Variants in CDH12 observed in about 807,000 individuals in gnomAD.
The protein encoded by CDH12 is cadherin 12, also known as cadherin-12.
A neutral mutation model predicts 74.1 loss-of-function variants in CDH12; 41 were observed. The observed-to-expected ratio is 0.55, with a 90% CI of 0.43 to 0.72. The LOEUF is 0.72. Ranked by LOEUF, CDH12 falls within the 30% of genes least tolerant of loss-of-function variation. The pLI, the probability that CDH12 is intolerant of heterozygous loss-of-function variation, is 0.00. For missense variants in CDH12, 945 were observed against 977.2 expected (o/e 0.97, Z 0.44); for synonymous variants, 399 against 355.0 (o/e 1.12, Z -1.39).
intron 5 of CDH12, among the ~76,000 whole-genome samples, chr5:22,054,972 T>C (rs1442752865): frequency 6.6e-6 from 1 of 152,192 alleles, no homozygotes; most frequent in Non-Finnish European, 1.5e-5. Context: ...CCAGGCTGTA[T>C]AATTTGTCAT....
chr5:22,525,157 G>A (rs1737213575), intron 1 of CDH12, among the ~76,000 whole-genome samples: 2 of 152,066 alleles, frequency 1.3e-5, no homozygotes, highest in Non-Finnish European at 1.5e-5. Context: ...TTTTATGGCT[G>A]CATAGTATTC....
chr5:22,493,083 G>T (rs966886219), intron 2 of CDH12, among the ~76,000 whole-genome samples: 1 of 152,042 alleles, frequency 6.6e-6, no homozygotes, highest in Non-Finnish European at 1.5e-5. Flanking sequence ...CCCTCTACTC[G>T]TTTTTACTTC....
At chr5:21,906,148 CT>C (rs1753631433) in intron 6 of CDH12, among the ~76,000 whole-genome samples, 1 of 151,968 alleles carries the variant, frequency 6.6e-6, no homozygotes, top group Non-Finnish European at 1.5e-5. Context: ...TTTTAGGTAG[CT>C]TTAGGTTTGA....
intron 5 of CDH12, among the ~76,000 whole-genome samples, chr5:22,062,676 T>C (rs953316695): frequency 6.6e-6 from 1 of 152,152 alleles, no homozygotes; most frequent in Non-Finnish European, 1.5e-5. Context: ...TTCTCAGATA[T>C]GTAAGTGATG....
rs577127906 is a variant in CDH12, at chr5:21,892,325, G to C, written c.527-37535C>G. Among the ~76,000 whole-genome samples, 72 of 152,204 alleles carry C rather than the reference G, an allele frequency of 4.7e-4. 4 individuals are homozygous for C. The South Asian group carries it at 8.7e-3, about 18-fold the overall frequency. On this transcript the variant is annotated intron_variant, in intron 6 of 14. Transcript: ENST00000382254. ...TGGTTATCAATCATGGTGATGAGCT[G>C]TCTTGTTGTTTGATATGAACTTTCC...
intron 1 of CDH12, among the ~76,000 whole-genome samples, chr5:22,702,221 A>G (rs1390141092): frequency 1.3e-5 from 2 of 152,126 alleles, no homozygotes; most frequent in Non-Finnish European, 2.9e-5. Flanking sequence ...CATTCATTCT[A>G]TGCAACCTAA....
At chr5:21,793,668 G>C (rs1191803318) in intron 10 of CDH12, among the ~76,000 whole-genome samples, 1 of 151,168 alleles carries the variant, frequency 6.6e-6, no homozygotes, top group African/African-American at 2.4e-5. Context: ...CCTAAATATA[G>C]ACATCATATT....
At chr5:22,840,664 GT>G (rs1237252705) in intron 1 of CDH12, among the ~76,000 whole-genome samples, 1 of 151,882 alleles carries the variant, frequency 6.6e-6, no homozygotes, top group African/African-American at 2.4e-5. Flanking sequence ...AAAGATCTCT[GT>G]TCTCCAAGTG....
chr5:22,826,109 C>T (rs1481681582), intron 1 of CDH12, among the ~76,000 whole-genome samples: 1 of 152,038 alleles, frequency 6.6e-6, no homozygotes, highest in African/African-American at 2.4e-5. Flanking sequence ...CTTGTAGCTG[C>T]CATAATTCTC....
chr5:21,939,822 A>C (rs939240103), intron 6 of CDH12, among the ~76,000 whole-genome samples: 7 of 152,194 alleles, frequency 4.6e-5, no homozygotes, highest in South Asian at 4.1e-4. Context: ...GGCAGTTTTT[A>C]CCTAATGTAT....
chr5:21,879,630 T>G (rs2150029314), intron 6 of CDH12, among the ~76,000 whole-genome samples: 1 of 152,344 alleles, frequency 6.6e-6, no homozygotes, highest in East Asian at 1.9e-4. Flanking sequence ...TTTTGGTCAA[T>G]ATATCATTAT....
At chr5:22,680,779 C>G (rs74339695) in intron 1 of CDH12, among the ~76,000 whole-genome samples, 2,195 of 152,164 alleles carry the variant, frequency 0.014, 50 homozygotes, top group African/African-American at 0.051. Flanking sequence ...CACAATCTCT[C>G]TCTTCTCCAT....
At chr5:21,853,209 G>GA (rs984254037) in intron 7 of CDH12, among the ~76,000 whole-genome samples, 3 of 151,098 alleles carry the variant, frequency 2.0e-5, no homozygotes, top group Admixed American at 6.6e-5. Flanking sequence ...CATATTTCTT[G>GA]AAAAAATCAC....
At chr5:22,074,490 G>A (rs189548152) in intron 5 of CDH12, among the ~76,000 whole-genome samples, 519 of 152,166 alleles carry the variant, frequency 3.4e-3, no homozygotes, top group African/African-American at 0.012. Context: ...AAGAGCTTCC[G>A]CACAGCAAAA....
At chr5:21,871,623 C>T (rs1751626786) in intron 6 of CDH12, among the ~76,000 whole-genome samples, 1 of 152,062 alleles carries the variant, frequency 6.6e-6, no homozygotes, top group Non-Finnish European at 1.5e-5. Flanking sequence ...ATCCCACCTA[C>T]TCGGGAGGCA....
At chr5:22,089,024 A>G (rs1317460698) in intron 4 of CDH12, among the ~76,000 whole-genome samples, 2 of 152,212 alleles carry the variant, frequency 1.3e-5, no homozygotes, top group Admixed American at 6.5e-5. Flanking sequence ...GGTAAAAAGT[A>G]AAAATCTAAC....
At chr5:22,700,775 C>T (rs1024155276) in intron 1 of CDH12, among the ~76,000 whole-genome samples, 1 of 152,126 alleles carries the variant, frequency 6.6e-6, no homozygotes, top group Non-Finnish European at 1.5e-5. Context: ...TCCATTAATT[C>T]TAATGCCTCT....
At chr5:21,939,188 T>C (rs562594245) in intron 6 of CDH12, among the ~76,000 whole-genome samples, 69 of 151,612 alleles carry the variant, frequency 4.6e-4, no homozygotes, top group Middle Eastern at 3.4e-3. Flanking sequence ...TGTACTAAAT[T>C]TTAAATGTAA....
chr5:22,433,355 T>C (rs1744250357), intron 2 of CDH12, among the ~76,000 whole-genome samples: 1 of 152,140 alleles, frequency 6.6e-6, no homozygotes, highest in Non-Finnish European at 1.5e-5. Flanking sequence ...TGGGTACTGA[T>C]AAAAGTTTTC....
Sources: gnomAD v4.1 joint callset for allele counts (sites outside exome capture counted in the v4.1 genomes callset) on GRCh38, gnomAD v4.1.1 for gene constraint, MANE v1.5 for transcripts, NCBI Gene and HGNC (gene_info 2026-07-23, HGNC 2026-07-21) for gene names.